Variants in DBN1 observed in about 807,000 individuals in gnomAD.
DBN1 encodes the protein drebrin.
DBN1 carries 21 observed loss-of-function variants against 83.5 expected under a neutral mutation model. The observed-to-expected ratio is 0.25, with a 90% CI of 0.18 to 0.36. The LOEUF (loss-of-function observed/expected upper bound fraction) is 0.36. Among genes scored for constraint, DBN1 ranks in the 10% least tolerant of loss-of-function variants. DBN1 has a pLI of 1.00. For missense variants in DBN1, 874 were observed against 935.7 expected (o/e 0.93, Z 0.86); for synonymous variants, 381 against 384.9 (o/e 0.99, Z 0.12).
intron 10 of DBN1, 45 bp downstream of exon 10, chr5:177,460,387 C>CA: frequency 1.9e-6 from 3 of 1,611,968 alleles, no homozygotes; most frequent in Non-Finnish European, 2.5e-6. Flanking sequence ...CTCAGGGCCG[C>CA]AACCTGAGGA....
In DBN1 at chr5:177,467,313, G is replaced by A. The variant is rs766075457; in HGVS notation, c.497C>T (p.Thr166Met). 2.5e-6 allele frequency: 4 copies of A among 1,614,130 alleles called. No homozygotes were observed. The highest frequency in any genetic ancestry group is 2.2e-5 in the East Asian group (1 of 44,862). Residue 166 changes from threonine (T) to methionine (M), a missense_variant, in exon 6 of 15, where the codon ACG becomes ATG. Coordinates refer to ENST00000393565, the MANE Select transcript of DBN1 (RefSeq NM_001363541.2). This position sits in a 1 kb window ranked among gnomAD's most constrained non-coding sequence, Gnocchi z 9.1. Reference protein sequence around the residue: ...AEPVGTTYQKTDAAVEMKRIN... With the variant: ...AEPVGTTYQKMDAAVEMKRIN... ...CCGCTTCATTTCCACAGCTGCATCCGTCTTCTGGTAGGTGGTGCCCTGCAG... is the reference window on the plus strand; with the variant it reads ...CCGCTTCATTTCCACAGCTGCATCCATCTTCTGGTAGGTGGTGCCCTGCAG...
chr5:177,459,190 G>A lies in DBN1; in HGVS notation c.1172C>T (p.Ser391Phe). Residue 391 changes from serine to phenylalanine, a missense_variant, in exon 12 of 15, where the codon TCC becomes TTC. Physicochemically the swap from Ser to Phe is radical, Grantham distance 155. This residue lies in a region of DBN1 where 725 missense variants were observed against 719.7 expected (regional missense o/e 1.01). Coordinates refer to ENST00000393565, the MANE Select transcript of DBN1 (RefSeq NM_001363541.2). Reference protein sequence around the residue: ...TRSPSDSSTASTPVAEQIERA... With the variant: ...TRSPSDSSTAFTPVAEQIERA... ...CTCTATCTGCTCAGCGACAGGGGTG[G>A]AGGCGGTGCTGGAGTCAGACGGGCT... The A allele has an allele frequency of 6.2e-7, 1 of 1,611,884 alleles. No individual in the cohort carries two copies. Among genetic ancestry groups the A allele is most frequent in the Non-Finnish European group, 8.5e-7 (1 of 1,179,170 alleles).
chr5:177,473,421 G>T lies in DBN1; in HGVS notation c.86+15C>A. 1.5e-6 allele frequency: 2 copies of T among 1,369,086 alleles called. No homozygotes were observed. Among genetic ancestry groups the T allele is most frequent in the Non-Finnish European group, 1.9e-6 (2 of 1,037,490 alleles). The allele number at this position is 1,369,086 out of a possible 1,614,324, so 84.8% of individuals were successfully genotyped here. A position where few individuals can be genotyped will look rare whatever the true frequency, so the allele number is the denominator to read the frequency against. ...GCGGGGACAAAGGGGCCGGGGGCGG[G>T]GGCGGGGGGCTCACCAGTCGGCCGC... On this transcript the variant is annotated intron_variant, in intron 1 of 14. Transcript: ENST00000393565.
chr5:177,467,520 G>T lies in DBN1; in HGVS notation c.438C>A (p.His146Gln). 6.4e-7 allele frequency: 1 copy of T among 1,572,484 alleles called. No individual in the cohort carries two copies. The highest frequency in any genetic ancestry group is 8.6e-7 in the Non-Finnish European group (1 of 1,158,856). Residue 146 changes from histidine to glutamine, a missense_variant, in exon 5 of 15, where the codon CAC becomes CAA. Physicochemically the swap from His to Gln is conservative, Grantham distance 24. Around this residue, in one of 4 missense-constraint regions of DBN1, gnomAD observed 65 missense variants for 97.3 expected, o/e 0.67. Coordinates refer to ENST00000393565, the MANE Select transcript of DBN1 (RefSeq NM_001363541.2). This position sits in a 1 kb window ranked among gnomAD's most constrained non-coding sequence, Gnocchi z 9.1. ...GLARLSSPVL[H>Q]RLRLREDENA... Reference sequence around the variant, plus strand: ...TCTCATCCTCTCGCAGCCGCAGTCGGTGCAGCACAGGGCTGGAGAGTCGCG... The same window carrying T: ...TCTCATCCTCTCGCAGCCGCAGTCGTTGCAGCACAGGGCTGGAGAGTCGCG...
At chr5:177,462,322 A>T in intron 8 of DBN1, 1 of 985,408 alleles carries the variant, frequency 1.0e-6, no homozygotes, top group Non-Finnish European at 1.2e-6. Flanking sequence ...AGCATGGGAG[A>T]CTGGCCTCCC....
At position 177,468,970 on chromosome 5, in the gene DBN1, G is replaced by A. The variant is rs572232093; in HGVS notation, c.87-71C>T. The A allele has an allele frequency of 3.1e-4, 313 of 999,878 alleles. 2 individuals carry two copies. In the South Asian group the frequency reaches 0.011, roughly 36 times the overall value. 61.9% of individuals were successfully genotyped at this position (999,878 alleles called of 1,614,324 possible). On this transcript the variant is annotated intron_variant, in intron 1 of 14. Coordinates refer to ENST00000393565, the MANE Select transcript of DBN1 (RefSeq NM_001363541.2). ...GCCAATTCTGGGTGGGGACGGCTCT[G>A]GGGAGGGAGAGGGACATGGAGTGGG...
In DBN1 at chr5:177,468,151, T is replaced by C; in HGVS notation, c.212A>G (p.Lys71Arg). The C allele has an allele frequency of 6.2e-7, 1 of 1,614,094 alleles. No individual in the cohort carries two copies. The highest frequency in any genetic ancestry group is 8.5e-7 in the Non-Finnish European group (1 of 1,180,034). The change falls in exon 3 of 15, where the codon AAG (lysine) becomes AGG (arginine). Residue 71 changes from lysine (K) to arginine (R), a missense_variant. Physicochemically the swap from Lys to Arg is conservative, Grantham distance 26. This residue lies in a region of DBN1 where 82 missense variants were observed against 101.7 expected (regional missense o/e 0.81). Transcript: ENST00000393565. ...QKVMYGFCSV[K>R]DSQAALPKYV... is the part of the protein sequence containing the mutation. The stretch of plus-strand genomic sequence containing the variant: ...TTTTGGCAGAGCAGCTTGGGAGTCC[T>C]TGACACTGCAGAAGCCGTACATCAC...
chr5:177,473,497 G>A lies in DBN1; in HGVS notation c.25C>T (p.His9Tyr). The change falls in exon 1 of 15, where the codon CAC (histidine) becomes TAC (tyrosine). Residue 9 changes from histidine to tyrosine, a missense_variant. By Grantham distance (83) the His-to-Tyr change is moderately conservative (BLOSUM62 2). This residue lies in a region of DBN1 where 82 missense variants were observed against 101.7 expected (regional missense o/e 0.81). Transcript: ENST00000393565. ...TAAGCCGCCAGCAGCTCCAGGCGGT[G>A]GCCGCTGAAGCTGACGCCGGCCATG... MAGVSFSG[H>Y]RLELLAAYEE... The A allele has an allele frequency of 7.0e-7, 1 of 1,435,080 alleles. No homozygotes were observed. The highest frequency in any genetic ancestry group is 9.2e-7 in the Non-Finnish European group (1 of 1,086,908). 88.9% of individuals were successfully genotyped at this position (1,435,080 alleles called of 1,614,324 possible). A position where few individuals can be genotyped will look rare whatever the true frequency, so the allele number is the denominator to read the frequency against.
Position 177,456,691 on chromosome 5 carries a change from A to AAAC in DBN1, c.*741_*742insGTT, listed in dbSNP as rs1299912887. The AAAC allele has an allele frequency of 8.6e-5, 13 of 151,252 alleles. No individual in the cohort carries two copies. The highest frequency in any genetic ancestry group is 2.7e-4 in the African/African-American group (11 of 40,800). 9.4% of individuals were successfully genotyped at this position (151,252 alleles called of 1,614,324 possible). A position where few individuals can be genotyped will look rare whatever the true frequency, so the allele number is the denominator to read the frequency against. Reference sequence around the variant, plus strand: ...TGCTTTCCAAAAAAAAAAAAAAAAAAAAAAAAAAAACAGTTACTAAACGTG... The same window carrying AAAC: ...TGCTTTCCAAAAAAAAAAAAAAAAAAAACAAAAAAAAAACAGTTACTAAACGTG... On this transcript the variant is annotated 3_prime_UTR_variant, in exon 15 of 15. Transcript: ENST00000393565.
In DBN1 at chr5:177,458,213, C is replaced by A. The variant is rs1407785709; in HGVS notation, c.1759G>T (p.Ala587Ser). 1.2e-6 allele frequency: 2 copies of A among 1,612,930 alleles called. No individual in the cohort carries two copies. Among genetic ancestry groups the A allele is most frequent in the African/African-American group, 1.3e-5 (1 of 75,020 alleles). Reference sequence around the variant, plus strand: ...ACTTCCTCTGGGTCACAGAAGGTGGCTGGCGGCTCAGGCAGCTCATCAAAG... The same window carrying A: ...ACTTCCTCTGGGTCACAGAAGGTGGATGGCGGCTCAGGCAGCTCATCAAAG... Reference protein sequence around the residue: ...LNFDELPEPPATFCDPEEVEG... With the variant: ...LNFDELPEPPSTFCDPEEVEG... Residue 587 changes from alanine (A) to serine (S), a missense_variant, in exon 13 of 15, where the codon GCC (alanine) becomes TCC (serine). Transcript: ENST00000393565.
intron 1 of DBN1, chr5:177,472,763 G>T: frequency 1.0e-6 from 1 of 990,432 alleles, no homozygotes; most frequent in African/African-American, 1.7e-5. Flanking sequence ...TCAGGTAGGG[G>T]AGGAGAGCTC....
At chr5:177,461,339 C>T (rs187304070) in intron 8 of DBN1, among the ~76,000 whole-genome samples, 1 of 152,046 alleles carries the variant, frequency 6.6e-6, no homozygotes, top group Admixed American at 6.5e-5. Context: ...ACCTCGTGAT[C>T]CGCCCGCCTC....
Position 177,458,751 on chromosome 5 carries a change from G to A in DBN1, c.1265-44C>T, listed in dbSNP as rs779859826. ...AGGAGATATGTAACCGGCTCCCCTC[G>A]GGGAGGATGGAGACCCTGCCCACCC... On this transcript the variant is annotated intron_variant, in intron 12 of 14. Coordinates refer to ENST00000393565, the MANE Select transcript of DBN1 (RefSeq NM_001363541.2). 2.1e-5 allele frequency: 30 copies of A among 1,444,288 alleles called. No homozygotes were observed. The South Asian group carries it at 2.6e-4, about 12-fold the overall frequency. 89.5% of individuals were successfully genotyped at this position (1,444,288 alleles called of 1,614,324 possible).
chr5:177,458,379 C>T lies in DBN1; in HGVS notation c.1593G>A (p.Gly531=), dbSNP rs1200859725. 6.2e-7 allele frequency: 1 copy of T among 1,613,862 alleles called. No homozygotes were observed. The highest frequency in any genetic ancestry group is 1.3e-5 in the African/African-American group (1 of 74,930). ...TGGGCTCACCCTGGAGTGTGGAGGC[C>T]CCTTCCCCGTTGCCAGGCCATAGGT... ...LIDLWPGNGE[G]ASTLQGEPRA... is the part of the protein sequence containing the mutation. Residue 531 remains glycine, a synonymous_variant, in exon 13 of 15, where the codon GGG becomes GGA. Coordinates refer to ENST00000393565, the MANE Select transcript of DBN1 (RefSeq NM_001363541.2).
intron 1 of DBN1, 157 bp downstream of exon 1, chr5:177,473,279 G>A (rs1290739742): frequency 8.3e-6 from 3 of 361,070 alleles, no homozygotes; most frequent in Admixed American, 4.9e-5. Flanking sequence ...CCCTCCCCCG[G>A]CGCGCACAAA....
At chr5:177,457,852 C>T (rs1204857387) in intron 13 of DBN1, 95 bp from the exon 14 acceptor site, 2 of 1,069,262 alleles carry the variant, frequency 1.9e-6, no homozygotes, top group Middle Eastern at 2.0e-4. Context: ...CCAATGATTC[C>T]ATCAGTGGTT....
intron 8 of DBN1, among the ~76,000 whole-genome samples, chr5:177,461,255 C>G (rs896807090): frequency 6.6e-6 from 1 of 151,548 alleles, no homozygotes; most frequent in East Asian, 1.9e-4. Flanking sequence ...CCCGCCACTA[C>G]GCCCGGCTAA....
Position 177,459,714 on chromosome 5 carries a change from C to A in DBN1, c.982G>T (p.Ala328Ser), listed in dbSNP as rs746410980. 2 of 1,574,196 alleles carry A rather than the reference C, an allele frequency of 1.3e-6. No individual in the cohort carries two copies. Among genetic ancestry groups the A allele is most frequent in the Admixed American group, 1.8e-5 (1 of 54,184 alleles). ...GAGGAGGAAGGCCCACTGTCCGATG[C>A]CTTTATGAAAGGGCAGTACGGACGA... ...PGRPYCPFIK[A>S]SDSGPSSSSS... Residue 328 changes from alanine to serine, a missense_variant, in exon 11 of 15, where the codon GCA (alanine) becomes TCA (serine). Physicochemically the swap from Ala to Ser is moderately conservative, Grantham distance 99. Transcript: ENST00000393565.
At position 177,458,721 on chromosome 5, in the gene DBN1, G is replaced by A; in HGVS notation, c.1265-14C>T. ...GCTCCTGGGTCTCTGTCACAGCACA[G>A]GCAGAGGAGATATGTAACCGGCTCC... On this transcript the variant is annotated splice_polypyrimidine_tract_variant and intron_variant, in intron 12 of 14. Transcript: ENST00000393565. 1 of 1,501,304 alleles carries A rather than the reference G, an allele frequency of 6.7e-7. No homozygotes were observed. 93.0% of individuals were successfully genotyped at this position (1,501,304 alleles called of 1,614,324 possible).
Sources: gnomAD v4.1 joint callset for allele counts (sites outside exome capture counted in the v4.1 genomes callset) on GRCh38, gnomAD v4.1.1 for gene constraint, gnomAD v4.1.1 regional missense constraint, Gnocchi (gnomAD v3.1) non-coding constraint, MANE v1.5 for transcripts, NCBI Gene and HGNC (gene_info 2026-07-23, HGNC 2026-07-21) for gene names.